The following F8 variants were observed in gnomAD, a reference collection of about 807,000 sequenced individuals.
The protein encoded by F8 is antihemophilic factor.
Under a neutral mutation model 140.6 loss-of-function variants are expected in F8, and 12 were observed. That is an observed-to-expected ratio of 0.09 (90% CI 0.05 to 0.14). The LOEUF is 0.14. Ranked by LOEUF, F8 falls within the 10% of genes least tolerant of loss-of-function variation. The pLI is 1.00. For missense variants in F8, 1,354 were observed against 1,720.7 expected, an observed-to-expected ratio of 0.79 and a Z score of 3.77; for synonymous variants, 585 against 614.6, an observed-to-expected ratio of 0.95 and a Z score of 0.71.
chrX:155,008,638 C>A (rs1010978351), intron 1 of F8, among the ~76,000 whole-genome samples: 5 of 111,311 alleles, frequency 4.5e-5, no homozygotes, highest in Non-Finnish European at 9.4e-5. Context: ...TCAGCCTTCA[C>A]CTCCGCTGAG....
chrX:154,915,853 T>C (rs782490146), intron 14 of F8, among the ~76,000 whole-genome samples: 2 of 112,036 alleles, frequency 1.8e-5, no homozygotes, highest in East Asian at 2.8e-4. Flanking sequence ...TTTAATAGAA[T>C]TGATGAAAGT....
intron 11 of F8, 121 bp from the exon 12 acceptor site, chrX:154,954,163 C>G: frequency 2.6e-6 from 2 of 766,692 alleles, no homozygotes; most frequent in Non-Finnish European, 4.0e-6. Context: ...TGGTTTAATT[C>G]CATTTCCTCT....
At chrX:154,873,773 G>A (rs1557273798) in intron 22 of F8, among the ~76,000 whole-genome samples, 5 of 111,718 alleles carry the variant, frequency 4.5e-5, no homozygotes, top group Admixed American at 2.9e-4. Context: ...ATGATATTGG[G>A]AAAACTGAAT....
chrX:154,948,480 A>T (rs2073318757), intron 12 of F8, among the ~76,000 whole-genome samples: 1 of 112,337 alleles, frequency 8.9e-6, no homozygotes, highest in Admixed American at 9.4e-5. Context: ...GTCTGCAACT[A>T]ATTTTCAAAT....
intron 9 of F8, 102 bp from the exon 10 acceptor site, chrX:154,961,270 A>C: frequency 3.9e-6 from 2 of 516,684 alleles, no homozygotes; most frequent in Admixed American, 6.0e-5. Flanking sequence ...CTCTATCTAC[A>C]TTATAGTAAT....
intron 14 of F8, among the ~76,000 whole-genome samples, chrX:154,921,289 C>T (rs2073128867): frequency 8.9e-6 from 1 of 112,033 alleles, no homozygotes; most frequent in Admixed American, 9.5e-5. Context: ...TGCTCATCAT[C>T]ACTGGCCATC....
chrX:154,996,802 A>C (rs2073619551), intron 3 of F8, among the ~76,000 whole-genome samples, 171 bp downstream of exon 3: 1 of 112,111 alleles, frequency 8.9e-6, no homozygotes, highest in Non-Finnish European at 1.9e-5. Flanking sequence ...CACAGCAATA[A>C]ATAAGATGGA....
At chrX:154,903,276 A>T in intron 18 of F8, among the ~76,000 whole-genome samples, 1 of 110,896 alleles carries the variant, frequency 9.0e-6, no homozygotes, top group Middle Eastern at 4.7e-3. Context: ...CCTGGGCTCA[A>T]GCAATCCTTC....
At chrX:154,958,135 A>G (rs2073375100) in intron 10 of F8, among the ~76,000 whole-genome samples, 1 of 111,113 alleles carries the variant, frequency 9.0e-6, no homozygotes. Context: ...TGGTTTCTTT[A>G]GAGTTACCAT....
chrX:154,902,118 C>A lies in F8; in HGVS notation c.6048G>T (p.Arg2016=). The A allele has an allele frequency of 8.3e-7, 1 of 1,210,600 alleles. No homozygotes were observed. The highest frequency in any genetic ancestry group is 1.8e-5 in the South Asian group (1 of 56,961). ...GATGCTCGCCAATAAGGCATTCCAC[C>A]CGCCAAATTCCAGCTTTGGATGGTA... is the stretch of plus-strand genomic sequence containing the variant. ...EMLPSKAGIW[R]VECLIGEHLH... is the part of the protein sequence containing the mutation. Residue 2016 remains arginine, a synonymous_variant, in exon 19 of 26, where the codon CGG becomes CGT. Coordinates refer to ENST00000360256, the MANE Select transcript of F8 (RefSeq NM_000132.4).
At chrX:155,008,350 A>T (rs1363652491) in intron 1 of F8, among the ~76,000 whole-genome samples, 1 of 112,189 alleles carries the variant, frequency 8.9e-6, no homozygotes, top group Non-Finnish European at 1.9e-5. Context: ...TGGGACCCGC[A>T]GCAGAAAGGC....
chrX:154,931,606 A>G lies in F8; in HGVS notation c.2184T>C (p.Ser728=). ...NRGMTALLKV[S]SCDKNTGDYY... Reference sequence around the variant, plus strand: ...AATCACCAGTGTTCTTGTCACAACTAGAAACCTTCAGTAAGGCGGTCATGC... The same window carrying G: ...AATCACCAGTGTTCTTGTCACAACTGGAAACCTTCAGTAAGGCGGTCATGC... Residue 728 remains serine, a synonymous_variant, in exon 14 of 26, where the codon TCT becomes TCC. Coordinates refer to ENST00000360256, the MANE Select transcript of F8 (RefSeq NM_000132.4). The G allele has an allele frequency of 1.7e-6, 2 of 1,211,793 alleles. No individual in the cohort carries two copies. Among genetic ancestry groups the G allele is most frequent in the South Asian group, 1.8e-5 (1 of 57,003 alleles).
intron 25 of F8, 34 bp downstream of exon 25, chrX:154,860,394 TTTTC>T (rs781848666): frequency 2.9e-5 from 34 of 1,178,179 alleles, no homozygotes; most frequent in South Asian, 7.1e-5. Context: ...GTGGTATTTT[TTTTC>T]TTTCTTTCTT....
chrX:154,967,199 T>C (rs188193049), intron 7 of F8, among the ~76,000 whole-genome samples: 1 of 111,674 alleles, frequency 9.0e-6, no homozygotes, highest in East Asian at 2.8e-4. Context: ...CCACAAATCA[T>C]TGATTTAATA....
chrX:154,954,589 AT>A (rs1488838524), intron 11 of F8, among the ~76,000 whole-genome samples: 2 of 112,133 alleles, frequency 1.8e-5, no homozygotes. Context: ...AAACATTCAA[AT>A]TTTTTTCAGA....
intron 22 of F8, among the ~76,000 whole-genome samples, chrX:154,867,727 T>TGAAAA (rs1190109413): frequency 2.6e-5 from 2 of 75,550 alleles, no homozygotes; most frequent in Admixed American, 1.5e-4. Flanking sequence ...AAAAAGAAAA[T>TGAAAA]GAAAAGAAAA....
At chrX:154,906,392 TC>T (rs1557276351) in intron 15 of F8, 27 bp downstream of exon 15, 37 of 1,176,359 alleles carry the variant, frequency 3.1e-5, no homozygotes, top group Non-Finnish European at 4.1e-5. Context: ...AAATTAATTT[TC>T]TTGTAATTCC....
chrX:154,840,177 A>C (rs1557271270), intron 25 of F8, among the ~76,000 whole-genome samples: 1 of 112,162 alleles, frequency 8.9e-6, no homozygotes, highest in Non-Finnish European at 1.9e-5. Flanking sequence ...AGACCATGCA[A>C]ATATTCTGTT....
At chrX:154,996,070 C>T (rs1240525986) in intron 3 of F8, among the ~76,000 whole-genome samples, 3 of 111,104 alleles carry the variant, frequency 2.7e-5, no homozygotes, top group Non-Finnish European at 5.7e-5. Flanking sequence ...CTGATGTCAG[C>T]AGAAAAAAAA....
Sources: gnomAD v4.1 joint callset for allele counts (sites outside exome capture counted in the v4.1 genomes callset) on GRCh38, gnomAD v4.1.1 for gene constraint, MANE v1.5 for transcripts, NCBI Gene and HGNC (gene_info 2026-07-23, HGNC 2026-07-21) for gene names.